The following MAML2 variants were observed in gnomAD, a reference collection of about 807,000 sequenced individuals.
MAML2 encodes the protein mastermind like transcriptional coactivator 2, also known as mastermind-like protein 2.
MAML2 carries 22 observed loss-of-function variants against 96.1 expected under a neutral mutation model. The ratio of observed to expected loss-of-function variants is 0.23; its 90% CI spans 0.16 to 0.33. The LOEUF is 0.33. Among genes scored for constraint, MAML2 ranks in the 10% least tolerant of loss-of-function variants. The pLI, the probability that MAML2 is intolerant of heterozygous loss-of-function variation, is 1.00. For missense variants in MAML2, 1,367 were observed against 1,392.4 expected, an observed-to-expected ratio of 0.98 and a Z score of 0.29; for synonymous variants, 561 against 521.3, an observed-to-expected ratio of 1.08 and a Z score of -1.04.
intron 1 of MAML2, among the ~76,000 whole-genome samples, chr11:96,326,361 G>C (rs144585630): frequency 0.45 from 56,038 of 123,262 alleles, 10,185 homozygotes; most frequent in African/African-American, 0.52. Context: ...ACTAAAGCGT[G>C]TGTGTGTGTG....
chr11:96,051,666 C>T (rs1409140889), intron 2 of MAML2, among the ~76,000 whole-genome samples: 1 of 152,162 alleles, frequency 6.6e-6, no homozygotes, highest in East Asian at 1.9e-4. Context: ...GCAGGGTCTT[C>T]TGCCTCCACT....
intron 2 of MAML2, among the ~76,000 whole-genome samples, chr11:96,034,954 T>C (rs752061277): frequency 6.6e-6 from 1 of 152,094 alleles, no homozygotes; most frequent in Non-Finnish European, 1.5e-5. Context: ...GTCCAAGAGG[T>C]TTAGTTTAAA....
chr11:96,272,075 C>T (rs1743211319), intron 1 of MAML2, among the ~76,000 whole-genome samples: 1 of 152,140 alleles, frequency 6.6e-6, no homozygotes, highest in South Asian at 2.1e-4. Context: ...CAAATGCCAC[C>T]TTCTCAGTGA....
chr11:96,290,872 T>C (rs1217376405), intron 1 of MAML2, among the ~76,000 whole-genome samples: 1 of 152,204 alleles, frequency 6.6e-6, no homozygotes, highest in Non-Finnish European at 1.5e-5. Context: ...TAATGCTATG[T>C]GCCATAGTCT....
chr11:96,041,684 A>G (rs186741197), intron 2 of MAML2, among the ~76,000 whole-genome samples: 4 of 152,014 alleles, frequency 2.6e-5, no homozygotes, highest in African/African-American at 7.2e-5. Context: ...AGTGTGCCTG[A>G]TGTATGAGAA....
At chr11:96,076,432 TCA>T (rs57102762) in intron 2 of MAML2, among the ~76,000 whole-genome samples, 24,482 of 102,642 alleles carry the variant, frequency 0.24, 2,314 homozygotes, top group Non-Finnish European at 0.33. Flanking sequence ...TCTCTCTCTC[TCA>T]CACACACACA....
intron 1 of MAML2, among the ~76,000 whole-genome samples, chr11:96,207,101 T>C (rs1861906418): frequency 6.6e-6 from 1 of 152,222 alleles, no homozygotes; most frequent in African/African-American, 2.4e-5. Context: ...AGATTTAGTC[T>C]GCCCTCTATA....
Position 96,068,182 on chromosome 11 carries a change from C to A in MAML2, c.2139+23710G>T, listed in dbSNP as rs186911581. The stretch of plus-strand genomic sequence containing the variant: ...ATATATCACTTCACTTAGGAAATGT[C>A]TTTTCTCAATTAAATTAGCTGTTTT... On this transcript the variant is annotated intron_variant, in intron 2 of 4. Coordinates refer to ENST00000524717, the MANE Select transcript of MAML2 (RefSeq NM_032427.4). Among the ~76,000 whole-genome samples the A allele has an allele frequency of 3.9e-4, 59 of 152,236 alleles. 1 individual carries two copies. The East Asian group carries it at 0.01, about 26-fold the overall frequency.
chr11:95,986,394 C>T (rs1282726021), intron 3 of MAML2, among the ~76,000 whole-genome samples: 4 of 151,618 alleles, frequency 2.6e-5, no homozygotes, highest in Non-Finnish European at 5.9e-5. Context: ...TAGAGATGGG[C>T]TTTTACCATA....
chr11:96,001,065 G>A (rs548906378), intron 2 of MAML2, among the ~76,000 whole-genome samples: 12 of 152,092 alleles, frequency 7.9e-5, no homozygotes, highest in Non-Finnish European at 1.5e-4. Context: ...CTCCTGCACC[G>A]TGCAGAGAAA....
chr11:96,092,480 G>A lies in MAML2; in HGVS notation c.1551C>T (p.Ala517=), dbSNP rs745828397. 28 of 1,607,058 alleles carry A rather than the reference G, an allele frequency of 1.7e-5. No individual in the cohort carries two copies. The highest frequency in any genetic ancestry group is 6.7e-5 in the South Asian group (6 of 90,052). Residue 517 remains alanine, a synonymous_variant, in exon 2 of 5, where the codon GCC becomes GCT. Coordinates refer to ENST00000524717, the MANE Select transcript of MAML2 (RefSeq NM_032427.4). The surrounding 1 kb of genome is among the most constrained non-coding windows in gnomAD (Gnocchi z 4.1). ...GGTGCCCACCCTGGGCTGAGGGGCC[G>A]GCCTTGTACATGTAGTTAGCCATTA... is the stretch of plus-strand genomic sequence containing the variant. ...SKVMANYMYK[A]GPSAQGGHLD...
At chr11:96,173,817 C>T (rs1861340911) in intron 1 of MAML2, among the ~76,000 whole-genome samples, 1 of 152,208 alleles carries the variant, frequency 6.6e-6, no homozygotes, top group Non-Finnish European at 1.5e-5. Flanking sequence ...TGCCTCACTC[C>T]AATAACATTC....
At chr11:96,191,609 A>G (rs1203583285) in intron 1 of MAML2, among the ~76,000 whole-genome samples, 1 of 151,898 alleles carries the variant, frequency 6.6e-6, no homozygotes, top group Non-Finnish European at 1.5e-5. Context: ...CTCGTCTACT[A>G]AAAATATAAA....
At chr11:96,259,457 G>GA (rs1862718184) in intron 1 of MAML2, among the ~76,000 whole-genome samples, 2 of 152,072 alleles carry the variant, frequency 1.3e-5, no homozygotes, top group African/African-American at 4.8e-5. Flanking sequence ...AGAGTGAAGT[G>GA]AAAAACTTGT....
intron 1 of MAML2, among the ~76,000 whole-genome samples, chr11:96,115,542 A>G (rs979285330): frequency 1.1e-4 from 16 of 151,722 alleles, no homozygotes; most frequent in African/African-American, 3.9e-4. Flanking sequence ...AATTCAACTG[A>G]CCAATATGTG....
intron 1 of MAML2, among the ~76,000 whole-genome samples, chr11:96,183,636 C>T (rs144970465): frequency 0.018 from 2,690 of 151,788 alleles, 88 homozygotes; most frequent in African/African-American, 0.061. Flanking sequence ...TCTCAAACTC[C>T]TGAGCTCAAA....
chr11:95,978,838 T>A lies in MAML2; in HGVS notation c.*110A>T. ...ACTTTCTGCTTTCCATTTTTAAGCA[T>A]GTTATCTTCATGTAGTCCACCTGAA... On this transcript the variant is annotated 3_prime_UTR_variant, in exon 5 of 5. Coordinates refer to ENST00000524717, the MANE Select transcript of MAML2 (RefSeq NM_032427.4). 1 of 1,011,214 alleles carries A rather than the reference T, an allele frequency of 9.9e-7. No homozygotes were observed. Among genetic ancestry groups the A allele is most frequent in the South Asian group, 1.8e-5 (1 of 55,654 alleles). The allele number at this position is 1,011,214 out of a possible 1,614,324, so 62.6% of individuals were successfully genotyped here. A position where few individuals can be genotyped will look rare whatever the true frequency, so the allele number is the denominator to read the frequency against.
chr11:96,018,616 C>T (rs1162084540), intron 2 of MAML2, among the ~76,000 whole-genome samples: 1 of 152,112 alleles, frequency 6.6e-6, no homozygotes, highest in African/African-American at 2.4e-5. Context: ...TTCGATGTTC[C>T]TGATAAGTCA....
At chr11:96,043,630 C>T (rs1043086224) in intron 2 of MAML2, among the ~76,000 whole-genome samples, 2 of 152,220 alleles carry the variant, frequency 1.3e-5, no homozygotes, top group Non-Finnish European at 2.9e-5. Context: ...CTGTTCATTT[C>T]CTCTGGTTAA....
Sources: gnomAD v4.1 joint callset for allele counts (sites outside exome capture counted in the v4.1 genomes callset) on GRCh38, gnomAD v4.1.1 for gene constraint, Gnocchi (gnomAD v3.1) non-coding constraint, MANE v1.5 for transcripts, NCBI Gene and HGNC (gene_info 2026-07-23, HGNC 2026-07-21) for gene names.